Variants in USP50 observed in about 807,000 individuals in gnomAD.
USP50 encodes the protein ubiquitin carboxyl-terminal hydrolase 50.
Under a neutral mutation model 39.2 loss-of-function variants are expected in USP50, and 37 were observed. The ratio of observed to expected loss-of-function variants is 0.94; its 90% confidence interval spans 0.73 to 1.24. The LOEUF (loss-of-function observed/expected upper bound fraction) is 1.24. USP50 is among the 50% of genes most tolerant of loss of function. USP50 has a pLI of 0.00. For synonymous variants in USP50, 139 were observed against 144.5 expected, an observed-to-expected ratio of 0.96 and a Z score of 0.27; for missense variants, 374 against 398.2, an observed-to-expected ratio of 0.94 and a Z score of 0.52.
chr15:50,506,493 A>G (rs957397837), intron 6 of USP50: 9 of 152,214 alleles, frequency 5.9e-5, no homozygotes, highest in Admixed American at 5.9e-4. Context: ...ATCAGTGGAA[A>G]AATTGTCTTC....
intron 6 of USP50, among the ~76,000 whole-genome samples, chr15:50,525,175 A>G (rs981881832): frequency 6.6e-6 from 1 of 152,194 alleles, no homozygotes. Context: ...CAGGCACAGA[A>G]AGACAAATAC....
chr15:50,496,135 T>C, downstream of USP50: 2 of 1,405,566 alleles, frequency 1.4e-6, no homozygotes, highest in Admixed American at 3.9e-5. Context: ...AAATGCTGTT[T>C]TTATGGATAT....
chr15:50,516,367 G>A (rs1056382402), intron 6 of USP50, among the ~76,000 whole-genome samples: 14 of 152,068 alleles, frequency 9.2e-5, no homozygotes, highest in East Asian at 1.9e-4. Context: ...TTTGGGAGCC[G>A]AGGCAGGTGG....
At chr15:50,529,589 G>A (rs1335806644) in intron 6 of USP50, among the ~76,000 whole-genome samples, 4 of 152,140 alleles carry the variant, frequency 2.6e-5, no homozygotes, top group African/African-American at 9.7e-5. Context: ...AATAGCCACT[G>A]AGTGGAGAGA....
intron 6 of USP50, among the ~76,000 whole-genome samples, chr15:50,521,801 T>C (rs1043925851): frequency 2.0e-5 from 3 of 151,594 alleles, no homozygotes; most frequent in Admixed American, 1.3e-4. Context: ...CCATCTCTAC[T>C]AAAAATAAAA....
rs1410886114 is a variant in USP50 at position 50,515,251 on chromosome 15, GTTGTTT to G, written c.937-14420_937-14415del. The stretch of plus-strand genomic sequence containing the variant: ...AGGCTTGTGTTTTGTTGTTGTTGTT[GTTGTTT>G]TTGAGACGGAGTCTTGCTCTGTCGC... On this transcript the variant is annotated intron_variant, in intron 6 of 6. Coordinates refer to ENST00000532404, the MANE Select transcript of USP50 (RefSeq NM_203494.5). Among the ~76,000 whole-genome samples, 7 of 151,994 alleles carry G rather than the reference GTTGTTT, an allele frequency of 4.6e-5. 1 individual carries two copies. In the South Asian group the frequency reaches 6.2e-4, roughly 14 times the overall value.
intron 6 of USP50, among the ~76,000 whole-genome samples, chr15:50,520,872 G>T (rs990464086): frequency 1.3e-5 from 2 of 152,134 alleles, no homozygotes; most frequent in Non-Finnish European, 2.9e-5. Context: ...TACAAACGTG[G>T]ATAGAAGGAA....
chr15:50,535,523 T>TGGAA (rs150820626), intron 5 of USP50, among the ~76,000 whole-genome samples: 27 of 151,850 alleles, frequency 1.8e-4, no homozygotes, highest in African/African-American at 6.3e-4. Flanking sequence ...GGAATTAAAC[T>TGGAA]AGAAATAACA....
intron 6 of USP50, chr15:50,508,550 CA>C (rs923741782): frequency 6.6e-6 from 1 of 152,002 alleles, no homozygotes; most frequent in Non-Finnish European, 1.5e-5. Context: ...ATACACTGGA[CA>C]CTCAGTTTAA....
At chr15:50,531,149 A>G (rs898460065) in intron 5 of USP50, among the ~76,000 whole-genome samples, 1 of 152,154 alleles carries the variant, frequency 6.6e-6, no homozygotes, top group African/African-American at 2.4e-5. Context: ...TTGTGTCAGA[A>G]AGCAAGATAC....
chr15:50,513,518 T>TTAAA (rs1172982929), intron 6 of USP50: 18 of 85,960 alleles, frequency 2.1e-4, no homozygotes, highest in African/African-American at 7.6e-4. Context: ...CGAAACTGTC[T>TTAAA]AAAAAAAAAA....
intron 2 of USP50, 76 bp from the exon 3 acceptor site, chr15:50,543,869 T>G: frequency 2.1e-6 from 3 of 1,436,484 alleles, no homozygotes; most frequent in Non-Finnish European, 2.9e-6. Flanking sequence ...CCTAGGAAAT[T>G]AGTCTCAAAA....
intron 6 of USP50, among the ~76,000 whole-genome samples, chr15:50,520,752 T>G (rs886272541): frequency 4.6e-5 from 7 of 152,192 alleles, no homozygotes; most frequent in Non-Finnish European, 1.0e-4. Context: ...TGTTGCATGT[T>G]CTCACTCATA....
chr15:50,494,626 A>G (rs1013815118), intron 1 of USP50, among the ~76,000 whole-genome samples: 1 of 152,258 alleles, frequency 6.6e-6, no homozygotes, highest in Admixed American at 6.5e-5. Context: ...TTTATATAAT[A>G]TGTATATGTT....
chr15:50,530,049 G>A (rs2052928354), intron 5 of USP50, 120 bp from the exon 6 acceptor site: 2 of 1,397,968 alleles, frequency 1.4e-6, no homozygotes, highest in East Asian at 4.6e-5. Context: ...GCTCATGCCT[G>A]TAATCCCACA....
At chr15:50,510,666 G>A in intron 6 of USP50, 1 of 152,156 alleles carries the variant, frequency 6.6e-6, no homozygotes, top group Non-Finnish European at 1.5e-5. Flanking sequence ...CGTGTGTATA[G>A]ATGTGCACAT....
chr15:50,498,036 A>G (rs8037553), downstream of USP50, among the ~76,000 whole-genome samples: 23,366 of 152,200 alleles, frequency 0.15, 2,187 homozygotes, highest in Middle Eastern at 0.28. Context: ...TAAACATTCT[A>G]TAAGTGATTA....
chr15:50,522,312 C>G (rs1372848158), intron 6 of USP50, among the ~76,000 whole-genome samples: 1 of 152,120 alleles, frequency 6.6e-6, no homozygotes, highest in Non-Finnish European at 1.5e-5. Context: ...GTAGTCCCAG[C>G]TACTAGGGAA....
At chr15:50,538,470 T>A (rs1178992546) in intron 5 of USP50, among the ~76,000 whole-genome samples, 1 of 152,066 alleles carries the variant, frequency 6.6e-6, no homozygotes, top group Non-Finnish European at 1.5e-5. Flanking sequence ...TTAGAAATAG[T>A]GATGACTGTT....
Sources: gnomAD v4.1 joint callset for allele counts (sites outside exome capture counted in the v4.1 genomes callset) on GRCh38, gnomAD v4.1.1 for gene constraint, MANE v1.5 for transcripts, NCBI Gene and HGNC (gene_info 2026-07-23, HGNC 2026-07-21) for gene names.